Variants in SPON1 observed in about 807,000 individuals in gnomAD.
SPON1 encodes spondin 1.
Under a neutral mutation model 111.7 loss-of-function variants are expected in SPON1, and 52 were observed. The ratio of observed to expected loss-of-function variants is 0.47; its 90% CI spans 0.37 to 0.59. The LOEUF (loss-of-function observed/expected upper bound fraction) is 0.59. Ranked by LOEUF, SPON1 falls within the 20% of genes least tolerant of loss-of-function variation. The probability of loss-of-function intolerance (pLI) is 0.00; values close to 1 mark genes in which losing one functional copy is unlikely to be tolerated. For missense variants in SPON1, 957 were observed against 1,068.5 expected (o/e 0.90, Z 1.46); for synonymous variants, 410 against 395.8 (o/e 1.04, Z -0.43).
chr11:14,151,274 T>C (rs1391308768), intron 6 of SPON1, among the ~76,000 whole-genome samples: 2 of 152,144 alleles, frequency 1.3e-5, no homozygotes, highest in African/African-American at 2.4e-5. Context: ...GAAGATGTCC[T>C]CCATAGAAAC....
At chr11:14,208,400 C>A (rs6486181) in intron 6 of SPON1, among the ~76,000 whole-genome samples, 1 of 152,016 alleles carries the variant, frequency 6.6e-6, no homozygotes, top group African/African-American at 2.4e-5. Context: ...ATTCCTTATA[C>A]GTTATTGATT....
chr11:14,077,727 C>T (rs544603859), intron 4 of SPON1, among the ~76,000 whole-genome samples: 5 of 151,842 alleles, frequency 3.3e-5, no homozygotes, highest in African/African-American at 9.7e-5. Context: ...TCAAGTGATC[C>T]GCTCATCTCT....
At position 14,160,968 on chromosome 11, in the gene SPON1, T is replaced by C. The variant is rs1482309527; in HGVS notation, c.825+25400T>C. 1.3e-4 allele frequency among the ~76,000 whole-genome samples: 10 copies of C among 79,916 alleles called. 1 individual carries two copies. The highest frequency in any genetic ancestry group is 4.7e-4 in the African/African-American group (9 of 19,334). 52.4% of individuals were successfully genotyped at this position (79,916 alleles called of 152,430 possible). On this transcript the variant is annotated intron_variant, in intron 6 of 15. Coordinates refer to ENST00000576479, the MANE Select transcript of SPON1 (RefSeq NM_006108.4). ...ATTTATATATTTATATATATTTATATATATTTTTATATATTTATATATATT... is the reference window on the plus strand; with the variant it reads ...ATTTATATATTTATATATATTTATACATATTTTTATATATTTATATATATT...
At chr11:14,083,934 A>T (rs1386337751) in intron 5 of SPON1, among the ~76,000 whole-genome samples, 1 of 152,204 alleles carries the variant, frequency 6.6e-6, no homozygotes, top group Non-Finnish European at 1.5e-5. Flanking sequence ...TGTTTTATGA[A>T]CATAAAAAGC....
At chr11:14,085,529 C>T (rs914214612) in intron 5 of SPON1, among the ~76,000 whole-genome samples, 1 of 152,108 alleles carries the variant, frequency 6.6e-6, no homozygotes, top group Non-Finnish European at 1.5e-5. Context: ...GTACCAGTAC[C>T]ATGCTGCTTT....
At chr11:14,123,401 T>G (rs1361873145) in intron 5 of SPON1, among the ~76,000 whole-genome samples, 1 of 152,184 alleles carries the variant, frequency 6.6e-6, no homozygotes, top group African/African-American at 2.4e-5. Context: ...AAGTCTAGAG[T>G]AGCCTTTACT....
intron 5 of SPON1, among the ~76,000 whole-genome samples, chr11:14,127,119 A>G (rs1490263216): frequency 3.3e-5 from 5 of 151,966 alleles, no homozygotes; most frequent in African/African-American, 1.2e-4. Context: ...TATTGACCCT[A>G]TTTTATGCGC....
At chr11:14,187,916 G>A (rs1848304296) in intron 6 of SPON1, among the ~76,000 whole-genome samples, 1 of 152,076 alleles carries the variant, frequency 6.6e-6, no homozygotes, top group Non-Finnish European at 1.5e-5. Flanking sequence ...TGAGTAGCTG[G>A]GATTACAGGC....
chr11:14,119,748 G>A (rs1205136922), intron 5 of SPON1, among the ~76,000 whole-genome samples: 5 of 152,094 alleles, frequency 3.3e-5, no homozygotes, highest in African/African-American at 4.8e-5. Flanking sequence ...GTCCCCCGTC[G>A]TCAGTAGAGT....
chr11:14,172,041 T>A (rs1848109057), intron 6 of SPON1, among the ~76,000 whole-genome samples: 1 of 152,236 alleles, frequency 6.6e-6, no homozygotes, highest in Non-Finnish European at 1.5e-5. Flanking sequence ...AATTCCTGGA[T>A]ATCCTTGTTA....
intron 6 of SPON1, among the ~76,000 whole-genome samples, chr11:14,157,501 G>A (rs1297885802): frequency 6.6e-6 from 1 of 152,020 alleles, no homozygotes; most frequent in Admixed American, 6.6e-5. Context: ...TTACTACATA[G>A]GTAGGCATGA....
In SPON1 at chr11:14,158,536, G is replaced by T. The variant is rs1847874961; in HGVS notation, c.825+22968G>T. 1.3e-5 allele frequency among the ~76,000 whole-genome samples: 2 copies of T among 152,124 alleles called. 1 individual carries two copies. Among genetic ancestry groups the T allele is most frequent in the Admixed American group, 1.3e-4 (2 of 15,260 alleles). On this transcript the variant is annotated intron_variant, in intron 6 of 15. Transcript: ENST00000576479. ...TTTCTCTCCCCAGTCTTATGAGACT[G>T]ATGAAAGCTGTACTCAGCTTCTCAG...
chr11:14,255,274 A>C (rs1849093346), intron 8 of SPON1, among the ~76,000 whole-genome samples: 1 of 152,240 alleles, frequency 6.6e-6, no homozygotes, highest in African/African-American at 2.4e-5. Context: ...CAACAGACAC[A>C]ATATGGTTCA....
chr11:14,015,596 A>G (rs1346634355), intron 2 of SPON1, among the ~76,000 whole-genome samples: 2 of 152,264 alleles, frequency 1.3e-5, no homozygotes, highest in Non-Finnish European at 2.9e-5. Flanking sequence ...CCAGAAACAT[A>G]AACATGCTTA....
chr11:13,983,457 T>C (rs1397746901), intron 2 of SPON1, among the ~76,000 whole-genome samples: 1 of 152,080 alleles, frequency 6.6e-6, no homozygotes, highest in Non-Finnish European at 1.5e-5. Context: ...GTTTAAGAGG[T>C]GGTAATGGTC....
chr11:14,160,393 A>T (rs71467707), intron 6 of SPON1, among the ~76,000 whole-genome samples: 1,329 of 34,378 alleles, frequency 0.039, 207 homozygotes, highest in East Asian at 0.11. Context: ...CATTATTTTT[A>T]TATATATATT....
At chr11:14,101,590 T>C (rs1849144650) in intron 5 of SPON1, among the ~76,000 whole-genome samples, 1 of 152,134 alleles carries the variant, frequency 6.6e-6, no homozygotes, top group Non-Finnish European at 1.5e-5. Context: ...ACTCATTTCC[T>C]TCATATCATC....
At chr11:14,008,175 A>G (rs149865848) in intron 2 of SPON1, among the ~76,000 whole-genome samples, 25 of 152,350 alleles carry the variant, frequency 1.6e-4, no homozygotes. Context: ...ACAACTATTT[A>G]CAAAGTATTA....
chr11:13,994,281 A>G (rs1412355574), intron 2 of SPON1, among the ~76,000 whole-genome samples: 3 of 152,242 alleles, frequency 2.0e-5, no homozygotes, highest in African/African-American at 7.2e-5. Context: ...ACTGCCATTC[A>G]CTATTATAAA....
Sources: allele counts gnomAD v4.1 joint callset (sites outside exome capture counted in the v4.1 genomes callset), GRCh38; gene constraint gnomAD v4.1.1; transcripts MANE v1.5; gene names NCBI Gene and HGNC (gene_info 2026-07-23, HGNC 2026-07-21).